The following EPHA6 variants were observed in gnomAD, a reference collection of about 807,000 sequenced individuals.
The protein encoded by EPHA6 is ephrin type-A receptor 6.
A neutral mutation model predicts 112.0 loss-of-function variants in EPHA6; 50 were observed. The ratio of observed to expected loss-of-function variants is 0.45; its 90% CI spans 0.36 to 0.56. The LOEUF is 0.56. Ranked by LOEUF, EPHA6 falls within the 20% of genes least tolerant of loss-of-function variation. EPHA6 has a pLI of 0.00. For missense variants in EPHA6, 1,280 were observed against 1,417.4 expected (o/e 0.90, Z 1.56); for synonymous variants, 529 against 490.7 (o/e 1.08, Z -1.03).
chr3:97,515,411 C>G (rs1002910541), intron 10 of EPHA6, among the ~76,000 whole-genome samples: 1 of 152,180 alleles, frequency 6.6e-6, no homozygotes, highest in African/African-American at 2.4e-5. Context: ...AACTGAGATT[C>G]GAAGACATTG....
chr3:97,287,387 C>T (rs987856970), intron 5 of EPHA6, among the ~76,000 whole-genome samples: 1 of 151,890 alleles, frequency 6.6e-6, no homozygotes, highest in African/African-American at 2.4e-5. Flanking sequence ...ATGGCGTGAA[C>T]CTGGGAGGCG....
At chr3:97,289,611 A>G (rs1370274005) in intron 5 of EPHA6, among the ~76,000 whole-genome samples, 1 of 151,850 alleles carries the variant, frequency 6.6e-6, no homozygotes, top group African/African-American at 2.4e-5. Flanking sequence ...CTAATTTGGT[A>G]CTTTTTTAGG....
intron 12 of EPHA6, among the ~76,000 whole-genome samples, chr3:97,596,590 A>C (rs1282671604): frequency 1.3e-5 from 2 of 151,866 alleles, no homozygotes; most frequent in African/African-American, 4.8e-5. Flanking sequence ...CAACCATTAC[A>C]ATGTGTCTCA....
chr3:97,191,724 C>T (rs1416616980), intron 3 of EPHA6, among the ~76,000 whole-genome samples: 2 of 152,056 alleles, frequency 1.3e-5, no homozygotes, highest in African/African-American at 2.4e-5. Flanking sequence ...TCATCTGTTA[C>T]CATTAACAGA....
chr3:96,864,046 A>G (rs1559782657), intron 1 of EPHA6, among the ~76,000 whole-genome samples: 2 of 152,114 alleles, frequency 1.3e-5, no homozygotes, highest in Non-Finnish European at 2.9e-5. Context: ...CACACCTGAT[A>G]GAATGACTTT....
At chr3:97,000,367 T>G (rs2043607797) in intron 3 of EPHA6, among the ~76,000 whole-genome samples, 1 of 149,932 alleles carries the variant, frequency 6.7e-6, no homozygotes, top group Non-Finnish European at 1.5e-5. Context: ...TTTTTATATA[T>G]TTTATATATA....
At chr3:97,353,513 G>A (rs2083912609) in intron 5 of EPHA6, among the ~76,000 whole-genome samples, 1 of 151,952 alleles carries the variant, frequency 6.6e-6, no homozygotes. Flanking sequence ...GAGTGGTGGG[G>A]TCCATGGGAA....
chr3:97,340,314 T>A (rs1559901472), intron 5 of EPHA6, among the ~76,000 whole-genome samples: 1 of 152,094 alleles, frequency 6.6e-6, no homozygotes, highest in African/African-American at 2.4e-5. Flanking sequence ...GCTCTGTTGG[T>A]GGGATAAGAG....
intron 4 of EPHA6, among the ~76,000 whole-genome samples, chr3:97,233,528 A>C (rs2078594668): frequency 6.6e-6 from 1 of 152,106 alleles, no homozygotes; most frequent in Non-Finnish European, 1.5e-5. Flanking sequence ...ATTAACCACA[A>C]ACAGTAGCAA....
At chr3:97,185,060 T>C (rs566722337) in intron 3 of EPHA6, among the ~76,000 whole-genome samples, 3 of 152,154 alleles carry the variant, frequency 2.0e-5, no homozygotes, top group East Asian at 3.9e-4. Context: ...ATACAAAAAT[T>C]AATTTAAGAT....
In EPHA6 at chr3:97,262,208, C is replaced by T. The variant is rs77969666; in HGVS notation, c.1606+17921C>T. Among the ~76,000 whole-genome samples, 49 of 152,222 alleles carry T rather than the reference C, an allele frequency of 3.2e-4. No homozygotes were observed. In the East Asian group the frequency reaches 8.5e-3, roughly 26 times the overall value. The stretch of plus-strand genomic sequence containing the variant: ...CTGAGCTATCCTTGGAGTGCATGAG[C>T]TTTTCAAGTCTCTCACCACAATGTC... On this transcript the variant is annotated intron_variant, in intron 5 of 17. Transcript: ENST00000389672.
intron 2 of EPHA6, among the ~76,000 whole-genome samples, chr3:96,903,626 T>C (rs2038744018): frequency 6.6e-6 from 1 of 152,248 alleles, no homozygotes; most frequent in South Asian, 2.1e-4. Flanking sequence ...AATATTTTAA[T>C]AATTTTTTAA....
chr3:97,004,204 CTTGAGGA>C (rs2043789609), intron 3 of EPHA6, among the ~76,000 whole-genome samples: 3 of 152,102 alleles, frequency 2.0e-5, no homozygotes, highest in African/African-American at 7.2e-5. Context: ...GTTCTAGATC[CTTGAGGA>C]ATCACTATAT....
chr3:96,826,521 A>G (rs2033669218), intron 1 of EPHA6, among the ~76,000 whole-genome samples: 1 of 152,082 alleles, frequency 6.6e-6, no homozygotes, highest in Non-Finnish European at 1.5e-5. Context: ...TATCCTGTTC[A>G]GTGCAGTTTC....
At chr3:97,133,479 T>C (rs2075689454) in intron 3 of EPHA6, among the ~76,000 whole-genome samples, 1 of 152,012 alleles carries the variant, frequency 6.6e-6, no homozygotes, top group African/African-American at 2.4e-5. Context: ...ATTAGAAAAA[T>C]GTACAGTTGA....
intron 1 of EPHA6, among the ~76,000 whole-genome samples, chr3:96,829,957 A>G (rs747969121): frequency 0.022 from 2,709 of 124,974 alleles, 37 homozygotes; most frequent in East Asian, 0.038. Context: ...GCGCACACAC[A>G]CACACACACA....
At chr3:97,177,801 T>TGTAAACC (rs767453018) in intron 3 of EPHA6, among the ~76,000 whole-genome samples, 6 of 152,168 alleles carry the variant, frequency 3.9e-5, no homozygotes, top group Non-Finnish European at 5.9e-5. Flanking sequence ...TGGCATGGAA[T>TGTAAACC]ATCTCTTACC....
chr3:97,576,367 CA>C (rs536100151), intron 11 of EPHA6, among the ~76,000 whole-genome samples: 7 of 152,106 alleles, frequency 4.6e-5, no homozygotes, highest in Non-Finnish European at 1.0e-4. Context: ...AAGGGTTTAT[CA>C]ATGTCATCCA....
intron 3 of EPHA6, among the ~76,000 whole-genome samples, chr3:97,160,284 T>C (rs1317185946): frequency 6.6e-6 from 1 of 152,066 alleles, no homozygotes; most frequent in Non-Finnish European, 1.5e-5. Flanking sequence ...ATCTTCACTT[T>C]TTTTTCTGTT....
Sources: gnomAD v4.1 joint callset for allele counts (sites outside exome capture counted in the v4.1 genomes callset) on GRCh38, gnomAD v4.1.1 for gene constraint, MANE v1.5 for transcripts, NCBI Gene and HGNC (gene_info 2026-07-23, HGNC 2026-07-21) for gene names.